SLC8A1: variants seen among roughly 807,000 people sequenced by gnomAD.
The protein encoded by SLC8A1 is sodium/calcium exchanger 1.
A neutral mutation model predicts 68.3 loss-of-function variants in SLC8A1; 18 were observed. The ratio of observed to expected loss-of-function variants is 0.26; its 90% CI spans 0.18 to 0.39. SLC8A1 has a LOEUF of 0.39. Ranked by LOEUF, SLC8A1 falls within the 10% of genes least tolerant of loss-of-function variation. The pLI is 1.00. For synonymous variants in SLC8A1, 475 were observed against 415.5 expected (o/e 1.14, Z -1.74); for missense variants, 985 against 1,156.7 (o/e 0.85, Z 2.15).
intron 4 of SLC8A1, among the ~76,000 whole-genome samples, chr2:40,171,850 G>T (rs556820581): frequency 6.6e-6 from 1 of 152,272 alleles, no homozygotes; most frequent in African/African-American, 2.4e-5. Flanking sequence ...CCCAAACAAG[G>T]GCCTTTCAAT....
intron 2 of SLC8A1, among the ~76,000 whole-genome samples, chr2:40,416,917 G>C (rs942053968): frequency 6.6e-6 from 1 of 151,922 alleles, no homozygotes; most frequent in Non-Finnish European, 1.5e-5. Context: ...TCAAAACCTA[G>C]CTTTGCCCTA....
exon 8 of SLC8A1, chr2:40,104,748 A>T (rs1185771779): frequency 6.6e-6 from 1 of 152,190 alleles, no homozygotes; most frequent in Non-Finnish European, 1.5e-5. Context: ...GAAATTGTAC[A>T]TCTGAAGAAA....
Position 40,394,742 on chromosome 2 carries a change from T to C in SLC8A1, c.1808+33731A>G, listed in dbSNP as rs547968486. Among the ~76,000 whole-genome samples the C allele has an allele frequency of 2.6e-5, 4 of 152,152 alleles. No homozygotes were observed. In the East Asian group the frequency reaches 7.7e-4, roughly 29 times the overall value. ...TGATTTAGCACAACGTGTTTTTTCC[T>C]CCTTCTTTAAAAAAAAATTAGTTCC... On this transcript the variant is annotated intron_variant, in intron 2 of 7. Coordinates refer to ENST00000406785, the Ensembl canonical transcript of SLC8A1.
intron 2 of SLC8A1, chr2:40,254,925 T>C (rs1257957030): frequency 6.6e-6 from 1 of 152,230 alleles, no homozygotes; most frequent in African/African-American, 2.4e-5. Flanking sequence ...TATTTAATTA[T>C]AAAAACAGTA....
intron 2 of SLC8A1, among the ~76,000 whole-genome samples, chr2:40,405,506 C>G (rs745410789): frequency 1.3e-5 from 2 of 152,214 alleles, no homozygotes; most frequent in African/African-American, 2.4e-5. Flanking sequence ...GCACATCCGA[C>G]TAACTAGAAT....
chr2:40,465,723 C>T (rs977760560), intron 1 of SLC8A1, among the ~76,000 whole-genome samples: 3 of 152,016 alleles, frequency 2.0e-5, no homozygotes, highest in South Asian at 2.1e-4. Context: ...GGTGCGATAG[C>T]GTATTTTTTT....
intron 4 of SLC8A1, among the ~76,000 whole-genome samples, chr2:40,172,809 G>A (rs2148523937): frequency 6.6e-6 from 1 of 152,228 alleles, no homozygotes; most frequent in Non-Finnish European, 1.5e-5. Flanking sequence ...AGGCGTGGTG[G>A]CACGTGCCTG....
chr2:40,507,480 G>A (rs1320469240), intron 1 of SLC8A1, among the ~76,000 whole-genome samples: 3 of 151,938 alleles, frequency 2.0e-5, no homozygotes, highest in African/African-American at 7.2e-5. Context: ...TAAACTAAGT[G>A]GACTGTAATC....
At chr2:40,196,333 G>A (rs955179737) in intron 2 of SLC8A1, among the ~76,000 whole-genome samples, 1 of 151,950 alleles carries the variant, frequency 6.6e-6, no homozygotes, top group East Asian at 1.9e-4. Flanking sequence ...GAAAACTCAA[G>A]CATGCATTAA....
intron 2 of SLC8A1, among the ~76,000 whole-genome samples, chr2:40,393,362 G>A (rs1265698474): frequency 6.6e-6 from 1 of 152,026 alleles, no homozygotes; most frequent in African/African-American, 2.4e-5. Flanking sequence ...GTTTATGGTT[G>A]CTTTATCTGG....
intron 2 of SLC8A1, among the ~76,000 whole-genome samples, chr2:40,349,524 G>A (rs1260651674): frequency 1.3e-5 from 2 of 152,166 alleles, no homozygotes; most frequent in Non-Finnish European, 2.9e-5. Flanking sequence ...CCTTGGGTAA[G>A]TTCCTCTCTG....
At chr2:40,102,233 A>G (rs1025740204) in exon 8 of SLC8A1, 1 of 152,162 alleles carries the variant, frequency 6.6e-6, no homozygotes, top group Admixed American at 6.5e-5. Flanking sequence ...ATAGAATACT[A>G]TTTTAGTAAT....
At chr2:40,328,442 A>G (rs2076073096) in intron 2 of SLC8A1, among the ~76,000 whole-genome samples, 1 of 152,054 alleles carries the variant, frequency 6.6e-6, no homozygotes, top group Non-Finnish European at 1.5e-5. Context: ...CCATGAGAAC[A>G]TTTCTCAAAG....
At chr2:40,320,066 T>A (rs1240280715) in intron 2 of SLC8A1, among the ~76,000 whole-genome samples, 1 of 152,094 alleles carries the variant, frequency 6.6e-6, no homozygotes, top group East Asian at 1.9e-4. Flanking sequence ...TGGGACTCAA[T>A]AAATATTGGT....
intron 2 of SLC8A1, among the ~76,000 whole-genome samples, chr2:40,333,437 C>G (rs1323810336): frequency 1.4e-5 from 1 of 73,868 alleles, no homozygotes; most frequent in Non-Finnish European, 3.1e-5. Context: ...GACTCCGTCT[C>G]AAAAAAAAAA....
chr2:40,452,190 A>G (rs1326773982), upstream of SLC8A1: 8 of 147,190 alleles, frequency 5.4e-5, no homozygotes, highest in Non-Finnish European at 1.1e-4. Flanking sequence ...CCTCCCGCGC[A>G]CACTCGCCCG....
chr2:40,417,043 A>G (rs1694087528), intron 2 of SLC8A1, among the ~76,000 whole-genome samples: 1 of 152,144 alleles, frequency 6.6e-6, no homozygotes, highest in Non-Finnish European at 1.5e-5. Flanking sequence ...TCTGCAAAGG[A>G]GCATTTTAAA....
At chr2:40,112,597 CTT>C (rs1048102725) in exon 8 of SLC8A1, 3 of 151,390 alleles carry the variant, frequency 2.0e-5, no homozygotes, top group African/African-American at 7.3e-5. Flanking sequence ...GTTTAAACAA[CTT>C]ATATTCCTTG....
intron 2 of SLC8A1, among the ~76,000 whole-genome samples, chr2:40,217,194 G>A (rs1404974647): frequency 2.1e-4 from 32 of 152,112 alleles, no homozygotes; most frequent in Admixed American, 2.1e-3. Flanking sequence ...TCCAGTTTCA[G>A]TTTTCTGCAT....
Sources: gnomAD v4.1 joint callset for allele counts (sites outside exome capture counted in the v4.1 genomes callset) on GRCh38, gnomAD v4.1.1 for gene constraint, MANE v1.5 for transcripts, NCBI Gene and HGNC (gene_info 2026-07-23, HGNC 2026-07-21) for gene names.